ART3: variants seen among roughly 807,000 people sequenced by gnomAD.
The protein encoded by ART3 is ADP-ribosyltransferase 3 (inactive).
A neutral mutation model predicts 48.5 loss-of-function variants in ART3; 49 were observed. The ratio of observed to expected loss-of-function variants is 1.01; its 90% confidence interval spans 0.80 to 1.28. The LOEUF is 1.28. ART3 is among the 50% of genes most tolerant of loss of function. ART3 has a pLI of 0.00. For missense variants in ART3, 438 were observed against 454.3 expected (o/e 0.96, Z 0.33); for synonymous variants, 145 against 157.2 (o/e 0.92, Z 0.58).
In ART3 at chr4:76,019,196, TACTC is replaced by T. The variant is rs779902428; in HGVS notation, c.-10+7878_-10+7881del. Among the ~76,000 whole-genome samples, 53 of 152,076 alleles carry T rather than the reference TACTC, an allele frequency of 3.5e-4. 1 individual carries two copies. The highest frequency in any genetic ancestry group is 3.3e-3 in the East Asian group (17 of 5,156). On this transcript the variant is annotated intron_variant, in intron 1 of 9. Transcript: ENST00000341029. ...ATTAGAACTAAGTGTGTTTTTGTAA[TACTC>T]AGGAAAGGAGTAAAAAAGAAAAGTA...
intron 3 of ART3, among the ~76,000 whole-genome samples, chr4:76,091,682 T>C (rs1277679754): frequency 6.8e-5 from 6 of 88,504 alleles, no homozygotes; most frequent in African/African-American, 3.2e-4. Flanking sequence ...AGCTTATCTT[T>C]TTTTTTTTTT....
intron 1 of ART3, among the ~76,000 whole-genome samples, chr4:76,055,779 TGA>T (rs551843411): frequency 1.4e-3 from 220 of 152,362 alleles, no homozygotes; most frequent in African/African-American, 5.1e-3. Flanking sequence ...AATGATTATG[TGA>T]GACTTGTTAA....
intron 1 of ART3, chr4:76,034,337 A>G (rs1406249132): frequency 5.0e-6 from 2 of 403,802 alleles, no homozygotes; most frequent in African/African-American, 2.1e-5. Flanking sequence ...ACAGATAGTA[A>G]TATAGCATAA....
chr4:76,040,343 A>ACATTAGAAAAT (rs1473644812), intron 1 of ART3, among the ~76,000 whole-genome samples: 1 of 151,976 alleles, frequency 6.6e-6, no homozygotes, highest in Non-Finnish European at 1.5e-5. Context: ...AAAAAACCAA[A>ACATTAGAAAAT]CATTAGAAAA....
chr4:76,036,111 T>C (rs1471321235), intron 1 of ART3: 4 of 768,200 alleles, frequency 5.2e-6, no homozygotes, highest in Non-Finnish European at 8.7e-6. Flanking sequence ...GAGCATTTTA[T>C]ACACCAGCAA....
At chr4:76,015,629 G>A (rs777136170) in intron 1 of ART3, among the ~76,000 whole-genome samples, 2 of 152,108 alleles carry the variant, frequency 1.3e-5, no homozygotes, top group African/African-American at 4.8e-5. Flanking sequence ...ATGTATAAAG[G>A]TTTGATTTGC....
chr4:76,100,387 C>G (rs1184130452), intron 6 of ART3, 67 bp downstream of exon 6: 1 of 1,481,412 alleles, frequency 6.8e-7, no homozygotes, highest in East Asian at 2.4e-5. Context: ...AATCCCAGCA[C>G]TTTGGGAGGC....
At chr4:76,044,938 C>T (rs1389020133) in intron 1 of ART3, among the ~76,000 whole-genome samples, 1 of 152,102 alleles carries the variant, frequency 6.6e-6, no homozygotes, top group Non-Finnish European at 1.5e-5. Flanking sequence ...AGGTTAGGAA[C>T]TCCCATTCTT....
At chr4:76,100,157 T>G in intron 5 of ART3, 134 bp from the exon 6 acceptor site, 1 of 748,424 alleles carries the variant, frequency 1.3e-6, no homozygotes, top group Non-Finnish European at 2.2e-6. Context: ...TTAAGTTTAG[T>G]AGGGTAGTTT....
intron 1 of ART3, among the ~76,000 whole-genome samples, chr4:76,026,013 A>G (rs1436929228): frequency 6.6e-6 from 1 of 152,136 alleles, no homozygotes; most frequent in African/African-American, 2.4e-5. Context: ...AATAAAATCC[A>G]AATTTCTAAT....
chr4:76,050,677 G>A (rs1184918398), intron 1 of ART3, among the ~76,000 whole-genome samples: 3 of 152,218 alleles, frequency 2.0e-5, no homozygotes, highest in Non-Finnish European at 4.4e-5. Flanking sequence ...CCCTTGGGTG[G>A]TCGATGGGAC....
chr4:76,027,468 G>C (rs1281606840), intron 1 of ART3, among the ~76,000 whole-genome samples: 1 of 151,782 alleles, frequency 6.6e-6, no homozygotes, highest in African/African-American at 2.4e-5. Flanking sequence ...ACAGATAAAT[G>C]TCATCAAAAA....
intron 3 of ART3, among the ~76,000 whole-genome samples, chr4:76,096,904 ATTC>A (rs1382405835): frequency 1.3e-5 from 2 of 152,324 alleles, no homozygotes; most frequent in East Asian, 1.9e-4. Flanking sequence ...TCTGATTGAG[ATTC>A]TTCTTCTTCA....
intron 5 of ART3, 80 bp from the exon 6 acceptor site, chr4:76,100,211 A>G (rs1726965303): frequency 7.1e-7 from 1 of 1,412,066 alleles, no homozygotes; most frequent in Non-Finnish European, 9.9e-7. Flanking sequence ...TTTCCTGAAA[A>G]TAATTTTGCT....
At chr4:76,011,511 G>A (rs1003426809) in intron 1 of ART3, among the ~76,000 whole-genome samples, 1 of 152,226 alleles carries the variant, frequency 6.6e-6, no homozygotes, top group South Asian at 2.1e-4. Context: ...GGCCCCAGAA[G>A]GGCCAGGGCA....
intron 11 of ART3, chr4:76,111,798 CCA>C (rs1729540460): frequency 6.6e-6 from 1 of 152,524 alleles, no homozygotes; most frequent in African/African-American, 2.4e-5. Context: ...CCTCCGCCTC[CCA>C]CAGTGCTGGG....
At chr4:76,106,102 T>G in intron 10 of ART3, 2 of 985,264 alleles carry the variant, frequency 2.0e-6, no homozygotes, top group African/African-American at 3.5e-5. Flanking sequence ...TTATTGACAC[T>G]TCAGAGATGA....
chr4:76,021,667 C>T (rs1732827977), intron 1 of ART3: 2 of 435,328 alleles, frequency 4.6e-6, no homozygotes, highest in East Asian at 7.0e-5. Context: ...AGAACATCCA[C>T]TAAGAACATA....
At chr4:76,013,460 T>C (rs998060563) in intron 1 of ART3, among the ~76,000 whole-genome samples, 6 of 152,186 alleles carry the variant, frequency 3.9e-5, no homozygotes, top group African/African-American at 1.4e-4. Context: ...CCCCTGTGTA[T>C]ACATCTGCCC....
Sources: allele counts gnomAD v4.1 joint callset (sites outside exome capture counted in the v4.1 genomes callset), GRCh38; gene constraint gnomAD v4.1.1; transcripts MANE v1.5; gene names NCBI Gene and HGNC (gene_info 2026-07-23, HGNC 2026-07-21).